OR52A1: variants seen among roughly 807,000 people sequenced by gnomAD.
OR52A1 encodes olfactory receptor 52A1.
Under a neutral mutation model 14.3 loss-of-function variants are expected in OR52A1, and 14 were observed. That is an observed-to-expected ratio of 0.98 (90% CI 0.65 to 1.54). The LOEUF (loss-of-function observed/expected upper bound fraction) is 1.54. Ranked by LOEUF, OR52A1 falls within the 40% of genes most tolerant of loss-of-function variation. The pLI is 0.00. For missense variants in OR52A1, 405 were observed against 381.3 expected (o/e 1.06, Z -0.52); for synonymous variants, 151 against 135.3 (o/e 1.12, Z -0.80).
At chr11:5,153,819 CTTTTT>C (rs58039145) in intron 1 of OR52A1, among the ~76,000 whole-genome samples, 10 of 119,002 alleles carry the variant, frequency 8.4e-5, no homozygotes, top group Non-Finnish European at 1.6e-4. Context: ...GAAAAAGCAG[CTTTTT>C]TTTTTTTTTT....
Position 5,150,612 on chromosome 11 carries a change from C to T in OR52A1, c.*819G>A, listed in dbSNP as rs1846529623. The T allele has an allele frequency of 6.6e-6, 1 of 152,096 alleles. No homozygotes were observed. Among genetic ancestry groups the T allele is most frequent in the African/African-American group, 2.4e-5 (1 of 41,410 alleles). 9.4% of individuals were successfully genotyped at this position (152,096 alleles called of 1,614,324 possible). On this transcript the variant is annotated 3_prime_UTR_variant, in exon 2 of 2. Transcript: ENST00000380367. ...TCAATGCTTCATTCTCTCTGAACTCCACATCCTATGTGTACACTTGTTATT... is the reference window on the plus strand; with the variant it reads ...TCAATGCTTCATTCTCTCTGAACTCTACATCCTATGTGTACACTTGTTATT...
chr11:5,149,756 G>C lies in OR52A1; in HGVS notation c.*1675C>G, dbSNP rs1257690431. 1 of 152,076 alleles carries C rather than the reference G, an allele frequency of 6.6e-6. No homozygotes were observed. Among genetic ancestry groups the C allele is most frequent in the Non-Finnish European group, 1.5e-5 (1 of 68,012 alleles). 9.4% of individuals were successfully genotyped at this position (152,076 alleles called of 1,614,324 possible). A position where few individuals can be genotyped will look rare whatever the true frequency, so the allele number is the denominator to read the frequency against. On this transcript the variant is annotated 3_prime_UTR_variant, in exon 2 of 2. Coordinates refer to ENST00000380367, the MANE Select transcript of OR52A1 (RefSeq NM_012375.3). ...AAAATATTAAGAAATAACATCAGAG[G>C]CTATTTTATTTTTGAGAAAATTATG...
In OR52A1 at chr11:5,154,477, A is replaced by T. The variant is rs1243039209; in HGVS notation, c.-352T>A. 1 of 152,198 alleles carries T rather than the reference A, an allele frequency of 6.6e-6. No individual in the cohort carries two copies. The highest frequency in any genetic ancestry group is 1.9e-4 in the East Asian group (1 of 5,206). 9.4% of individuals were successfully genotyped at this position (152,198 alleles called of 1,614,324 possible). ...TTTCTTCTCCAAGGATTCCAGCTTC[A>T]TTCCCTTAAGTTGTGGGTTCTGTGA... On this transcript the variant is annotated 5_prime_UTR_variant, in exon 1 of 2. It removes an upstream start codon present in the reference 5' UTR. Transcript: ENST00000380367.
Position 5,151,987 on chromosome 11 carries a change from A to T in OR52A1, c.383T>A (p.Ile128Asn). The T allele has an allele frequency of 6.2e-7, 1 of 1,614,058 alleles. No homozygotes were observed. The highest frequency in any genetic ancestry group is 2.2e-5 in the East Asian group (1 of 44,882). The change falls in exon 2 of 2, where the codon ATC becomes AAC. Residue 128 changes from isoleucine (I) to asparagine (N), a missense_variant. Transcript: ENST00000380367. Reference protein sequence around the residue: ...VAMALDRYVAICYPLRHANIF... With the variant: ...VAMALDRYVANCYPLRHANIF... ...GTTGGCATGTCTTAGTGGATAACAG[A>T]TGGCCACATAACGGTCCAGGGCCAT... is the stretch of plus-strand genomic sequence containing the variant.
Position 5,152,457 on chromosome 11 carries a change from C to T in OR52A1, c.-88G>A, listed in dbSNP as rs1282131032. 1 of 890,466 alleles carries T rather than the reference C, an allele frequency of 1.1e-6. No individual in the cohort carries two copies. 55.2% of individuals were successfully genotyped at this position (890,466 alleles called of 1,614,324 possible). ...TCTGCTTTCTGATTTTCTCCAAACT[C>T]ATTATATTGAGTCTGTCTGATTTGG... On this transcript the variant is annotated 5_prime_UTR_variant, in exon 2 of 2. An upstream start codon of the reference 5' UTR is lost. Transcript: ENST00000380367.
Position 5,151,413 on chromosome 11 carries a change from CATTA to C in OR52A1, c.*14_*17del, listed in dbSNP as rs1161077193. The C allele has an allele frequency of 1.3e-6, 2 of 1,570,126 alleles. No homozygotes were observed. The highest frequency in any genetic ancestry group is 2.4e-5 in the South Asian group (2 of 84,334). On this transcript the variant is annotated 3_prime_UTR_variant, in exon 2 of 2. Coordinates refer to ENST00000380367, the MANE Select transcript of OR52A1 (RefSeq NM_012375.3). Reference sequence around the variant, plus strand: ...ACTGCAAAAGAAAAAAGCATGTAGGCATTAATTAAGGTGGATTTTATGAACAGAA... The same window carrying C: ...ACTGCAAAAGAAAAAAGCATGTAGGCATTAAGGTGGATTTTATGAACAGAA...
Position 5,151,564 on chromosome 11 carries a change from G to GA in OR52A1, c.805dup (p.Ser269PhefsTer13), listed in dbSNP as rs955859132. On this transcript the variant is annotated frameshift_variant, in exon 2 of 2. Coordinates refer to ENST00000380367, the MANE Select transcript of OR52A1 (RefSeq NM_012375.3). LOFTEE classifies it high-confidence loss of function. Reference sequence around the variant, plus strand: ...AATATGGATATAAGGGGAGATGTGAGACCCAAACCTATGTGTGAAGAAGGA... The same window carrying GA: ...AATATGGATATAAGGGGAGATGTGAGAACCCAAACCTATGTGTGAAGAAGGA... 1.5e-5 allele frequency: 24 copies of GA among 1,605,124 alleles called. No individual in the cohort carries two copies. The highest frequency in any genetic ancestry group is 2.0e-5 in the Non-Finnish European group (23 of 1,175,540).
intron 1 of OR52A1, among the ~76,000 whole-genome samples, chr11:5,154,196 C>T (rs1846583064): frequency 6.6e-6 from 1 of 152,072 alleles, no homozygotes; most frequent in Non-Finnish European, 1.5e-5. Flanking sequence ...CTGACTTATT[C>T]AAGACCAAAG....
At position 5,151,886 on chromosome 11, in the gene OR52A1, G is replaced by A; in HGVS notation, c.484C>T (p.Leu162=). The stretch of plus-strand genomic sequence containing the variant: ...TGAAACCGGCACTTTATCAGTACTA[G>A]GCATGGGGCTACAAGAATAGCAGCC... ...LRAAILVAPC[L]VLIKCRFQFY... is the part of the protein sequence containing the mutation. The change falls in exon 2 of 2, where the codon CTA becomes TTA. Residue 162 remains leucine (L), a synonymous_variant. Transcript: ENST00000380367. The A allele has an allele frequency of 6.2e-7, 1 of 1,614,128 alleles. No homozygotes were observed. Among genetic ancestry groups the A allele is most frequent in the African/African-American group, 1.3e-5 (1 of 75,034 alleles).
chr11:5,151,512 GA>G lies in OR52A1; in HGVS notation c.857del (p.Val286AlafsTer22). ...HILFSSIYLL[V>X]PPFLNPLVYG... The stretch of plus-strand genomic sequence containing the variant: ...AGACAAGTGGATTGAGAAATGGAGG[GA>G]CCAGCAAGTAAATGCTAGAAAAGAG... On this transcript the variant is annotated frameshift_variant, in exon 2 of 2. Transcript: ENST00000380367. LOFTEE classifies it high-confidence loss of function. 2 of 1,614,050 alleles carry G rather than the reference GA, an allele frequency of 1.2e-6. No homozygotes were observed. Among genetic ancestry groups the G allele is most frequent in the Non-Finnish European group, 1.7e-6 (2 of 1,179,952 alleles).
chr11:5,151,808 C>A lies in OR52A1; in HGVS notation c.562G>T (p.Val188Leu). ...SHSYCEHMAI[V>L]KLAAANVQVN... The stretch of plus-strand genomic sequence containing the variant: ...TGAACATTTGCTGCTGCTAGTTTCA[C>A]AATGGCCATATGCTCACAGTAGGAG... Residue 188 changes from valine (V) to leucine (L), a missense_variant, in exon 2 of 2, where the codon GTG (valine) becomes TTG (leucine). By Grantham distance (32) the Val-to-Leu change is conservative. Transcript: ENST00000380367. The A allele has an allele frequency of 6.2e-7, 1 of 1,614,160 alleles. No homozygotes were observed. Among genetic ancestry groups the A allele is most frequent in the South Asian group, 1.1e-5 (1 of 91,086 alleles).
chr11:5,154,647 C>T lies in OR52A1; in HGVS notation c.-522G>A, dbSNP rs1846589194. 1 of 152,206 alleles carries T rather than the reference C, an allele frequency of 6.6e-6. No individual in the cohort carries two copies. Among genetic ancestry groups the T allele is most frequent in the Non-Finnish European group, 1.5e-5 (1 of 68,060 alleles). The allele number at this position is 152,206 out of a possible 1,614,324, so 9.4% of individuals were successfully genotyped here. On this transcript the variant is annotated 5_prime_UTR_variant, in exon 1 of 2. Coordinates refer to ENST00000380367, the MANE Select transcript of OR52A1 (RefSeq NM_012375.3). ...TTTTACACTTTTCATTTATCTCTAACACGGACATCTTCTTCTTCTTCTGGA... is the reference window on the plus strand; with the variant it reads ...TTTTACACTTTTCATTTATCTCTAATACGGACATCTTCTTCTTCTTCTGGA...
rs148897398 is a variant in OR52A1 at position 5,152,178 on chromosome 11, G to C, written c.192C>G (p.Phe64Leu). ...ERSLHEPLYI[F>L]LGMLGATDIA... is the part of the protein sequence containing the mutation. ...TGTCTGTGGCTCCTAGCATGCCTAAGAAAATGTACAAGGGCTCATGGAGAC... is the reference window on the plus strand; with the variant it reads ...TGTCTGTGGCTCCTAGCATGCCTAACAAAATGTACAAGGGCTCATGGAGAC... Residue 64 changes from phenylalanine to leucine, a missense_variant, in exon 2 of 2, where the codon TTC becomes TTG. Phe to Leu is a conservative substitution (Grantham distance 22, BLOSUM62 0). Coordinates refer to ENST00000380367, the MANE Select transcript of OR52A1 (RefSeq NM_012375.3). The C allele has an allele frequency of 7.2e-5, 116 of 1,614,170 alleles. No homozygotes were observed. In the Middle Eastern group the frequency reaches 3.1e-3, roughly 44 times the overall value.
rs2133536321 is a variant in OR52A1 at position 5,151,894 on chromosome 11, G to A, written c.476C>T (p.Ala159Val). The part of the protein sequence containing the change: ...MVVLRAAILV[A>V]PCLVLIKCRF... ...GCACTTTATCAGTACTAGGCATGGG[G>A]CTACAAGAATAGCAGCCCTGAGTAC... is the stretch of plus-strand genomic sequence containing the variant. The change falls in exon 2 of 2, where the codon GCC becomes GTC. Residue 159 changes from alanine to valine, a missense_variant. By Grantham distance (64) the Ala-to-Val change is moderately conservative. Coordinates refer to ENST00000380367, the MANE Select transcript of OR52A1 (RefSeq NM_012375.3). 1.2e-6 allele frequency: 2 copies of A among 1,614,104 alleles called. No homozygotes were observed. Among genetic ancestry groups the A allele is most frequent in the African/African-American group, 1.3e-5 (1 of 75,034 alleles).
chr11:5,154,410 T>C (rs1846585935), intron 1 of OR52A1, 37 bp downstream of exon 1: 1 of 152,170 alleles, frequency 6.6e-6, no homozygotes, highest in South Asian at 2.1e-4. Context: ...CTGAAGAATA[T>C]TGTCCATTTT....
At chr11:5,154,055 T>C (rs911852709) in intron 1 of OR52A1, among the ~76,000 whole-genome samples, 3 of 152,176 alleles carry the variant, frequency 2.0e-5, no homozygotes, top group Admixed American at 1.3e-4. Context: ...TTCCACAGAT[T>C]TGATCCCCAA....
rs559078792 is a variant in OR52A1 at position 5,149,450 on chromosome 11, A to G, written c.*1981T>C. The G allele has an allele frequency of 4.6e-5, 7 of 152,252 alleles. No individual in the cohort carries two copies. Among genetic ancestry groups the G allele is most frequent in the African/African-American group, 1.7e-4 (7 of 41,554 alleles). The allele number at this position is 152,252 out of a possible 1,614,324, so 9.4% of individuals were successfully genotyped here. A position where few individuals can be genotyped will look rare whatever the true frequency, so the allele number is the denominator to read the frequency against. ...TTTTACAGATGAATATTTGTAATCAATTTGGTGATGGGGAAACTCTAACTT... is the reference window on the plus strand; with the variant it reads ...TTTTACAGATGAATATTTGTAATCAGTTTGGTGATGGGGAAACTCTAACTT... On this transcript the variant is annotated 3_prime_UTR_variant, in exon 2 of 2. Coordinates refer to ENST00000380367, the MANE Select transcript of OR52A1 (RefSeq NM_012375.3).
At chr11:5,154,200 A>T (rs562678523) in intron 1 of OR52A1, among the ~76,000 whole-genome samples, 17 of 152,244 alleles carry the variant, frequency 1.1e-4, no homozygotes, top group Admixed American at 8.5e-4. Flanking sequence ...CTTATTCAAG[A>T]CCAAAGAGCT....
At position 5,150,126 on chromosome 11, in the gene OR52A1, T is replaced by C. The variant is rs1418950667; in HGVS notation, c.*1305A>G. On this transcript the variant is annotated 3_prime_UTR_variant, in exon 2 of 2. Transcript: ENST00000380367. ...CCGTAAATTCTTATGCCACTAATTT[T>C]AGACAATATAGTCCTCCTCTTCACT... 3 of 152,120 alleles carry C rather than the reference T, an allele frequency of 2.0e-5. No homozygotes were observed. Among genetic ancestry groups the C allele is most frequent in the African/African-American group, 4.8e-5 (2 of 41,432 alleles). The allele number at this position is 152,120 out of a possible 1,614,324, so 9.4% of individuals were successfully genotyped here. A position where few individuals can be genotyped will look rare whatever the true frequency, so the allele number is the denominator to read the frequency against.
Sources: gnomAD v4.1 joint callset for allele counts (sites outside exome capture counted in the v4.1 genomes callset) on GRCh38, gnomAD v4.1.1 for gene constraint, MANE v1.5 for transcripts, NCBI Gene and HGNC (gene_info 2026-07-23, HGNC 2026-07-21) for gene names.